The following PDZD2 variants were observed in gnomAD, a reference collection of about 807,000 sequenced individuals.
The protein encoded by PDZD2 is PDZ domain containing 2, also known as PDZ domain-containing protein 2.
In PDZD2, 90 loss-of-function variants were observed where a neutral mutation model predicts 220.7. The ratio of observed to expected loss-of-function variants is 0.41; its 90% CI spans 0.34 to 0.49. The LOEUF is 0.49. Ranked by LOEUF, PDZD2 falls within the 20% of genes least tolerant of loss-of-function variation. PDZD2 has a pLI of 0.28. For missense variants in PDZD2, 3,174 were observed against 3,608.5 expected, an observed-to-expected ratio of 0.88 and a Z score of 3.08; for synonymous variants, 1,375 against 1,450.5, an observed-to-expected ratio of 0.95 and a Z score of 1.18.
Position 32,089,712 on chromosome 5 carries a change from C to G in PDZD2, c.6264C>G (p.Asn2088Lys). 1 of 1,614,190 alleles carries G rather than the reference C, an allele frequency of 6.2e-7. No homozygotes were observed. Among genetic ancestry groups the G allele is most frequent in the South Asian group, 1.1e-5 (1 of 91,088 alleles). The change falls in exon 20 of 25, where the codon AAC becomes AAG. Residue 2088 changes from asparagine (N) to lysine (K), a missense_variant. This residue lies in a region of PDZD2 where 1,861 missense variants were observed against 2,001.0 expected (regional missense o/e 0.93). Transcript: ENST00000438447. ...IMASDRLERT[N>K]QLKIVEISAE... ...CCAGCGATCGCCTCGAAAGAACAAA[C>G]CAGCTGAAAATCGTGGAGATTTCTG...
At chr5:31,786,673 G>T (rs77326575) in intron 1 of PDZD2, among the ~76,000 whole-genome samples, 1 of 151,914 alleles carries the variant, frequency 6.6e-6, no homozygotes, top group East Asian at 1.9e-4. Flanking sequence ...GATTTGGGGG[G>T]GTGTAGGGGG....
In PDZD2 at chr5:31,797,664, A is replaced by G. The variant is rs368577523; in HGVS notation, c.-360-1225A>G. ...TTCTTTTTAACAACCATGTGATTAT[A>G]TAGATGATATTTGCTAAGCTTTTGA... On this transcript the variant is annotated intron_variant, in intron 1 of 24. Coordinates refer to ENST00000438447, the MANE Select transcript of PDZD2 (RefSeq NM_178140.4). 8.5e-5 allele frequency among the ~76,000 whole-genome samples: 13 copies of G among 152,302 alleles called. No homozygotes were observed. In the East Asian group the frequency reaches 2.5e-3, roughly 29 times the overall value.
chr5:32,058,468 A>G (rs987126546), intron 12 of PDZD2, among the ~76,000 whole-genome samples: 9 of 151,584 alleles, frequency 5.9e-5, no homozygotes, highest in South Asian at 4.2e-4. Flanking sequence ...CAGGAGTTTG[A>G]GACCAGCCTC....
chr5:31,908,077 C>G (rs1300187042), intron 2 of PDZD2, among the ~76,000 whole-genome samples: 2 of 97,558 alleles, frequency 2.1e-5, no homozygotes, highest in East Asian at 4.9e-4. Context: ...AGCCAGGCTC[C>G]GTCTCAAAAA....
Position 31,763,843 on chromosome 5 carries a change from G to C in PDZD2, c.-360-35046G>C, listed in dbSNP as rs542450132. 2.6e-3 allele frequency among the ~76,000 whole-genome samples: 377 copies of C among 144,142 alleles called. 4 individuals are homozygous for C. Among genetic ancestry groups the C allele is most frequent in the African/African-American group, 9.1e-3 (346 of 38,136 alleles). 94.6% of individuals were successfully genotyped at this position (144,142 alleles called of 152,430 possible). On this transcript the variant is annotated intron_variant, in intron 1 of 24. Transcript: ENST00000438447. ...ATCTGAAAATACAAAGAATTTGAAA[G>C]TAAAGGAGAGGAGGGAGCCCTCTGA...
chr5:32,056,598 G>A (rs115363458), intron 10 of PDZD2, among the ~76,000 whole-genome samples: 3,033 of 152,230 alleles, frequency 0.02, 103 homozygotes, highest in African/African-American at 0.068. Flanking sequence ...CCTAGCAGAC[G>A]CTATCAACAG....
intron 1 of PDZD2, among the ~76,000 whole-genome samples, chr5:31,778,425 C>G (rs1752844657): frequency 6.6e-6 from 1 of 152,150 alleles, no homozygotes; most frequent in Non-Finnish European, 1.5e-5. Flanking sequence ...CTGTAACACT[C>G]ACCGCGAAGG....
intron 2 of PDZD2, among the ~76,000 whole-genome samples, chr5:31,899,839 G>A (rs1351312440): frequency 2.6e-5 from 4 of 152,200 alleles, no homozygotes; most frequent in African/African-American, 9.6e-5. Context: ...TAAGGACGCA[G>A]TCAGAAGACA....
rs370543279 is a variant in PDZD2 at position 32,097,310 on chromosome 5, A to G, written c.7877A>G (p.Asn2626Ser). The G allele has an allele frequency of 1.5e-5, 25 of 1,612,952 alleles. No homozygotes were observed. The highest frequency in any genetic ancestry group is 2.0e-5 in the Non-Finnish European group (23 of 1,179,020). The change falls in exon 22 of 25, where the codon AAT becomes AGT. Residue 2626 changes from asparagine to serine, a missense_variant. Asn to Ser is a conservative substitution (Grantham distance 46, BLOSUM62 1). Around this residue, in one of 4 missense-constraint regions of PDZD2, gnomAD observed 631 missense variants for 789.9 expected, o/e 0.80. Transcript: ENST00000438447. ...GAAGATGTTTGCTTCATAGTCTTGAATAGAAAAGAAGGCTCAGGTCTGGGA... is the reference window on the plus strand; with the variant it reads ...GAAGATGTTTGCTTCATAGTCTTGAGTAGAAAAGAAGGCTCAGGTCTGGGA... ...NEEDVCFIVL[N>S]RKEGSGLGFS...
intron 1 of PDZD2, among the ~76,000 whole-genome samples, chr5:31,796,977 G>T (rs1754072028): frequency 6.6e-6 from 1 of 151,126 alleles, no homozygotes; most frequent in Admixed American, 6.6e-5. Context: ...GCCCAGGCTG[G>T]AGTGCAGTGG....
intron 2 of PDZD2, chr5:31,908,798 A>G (rs1189188922): frequency 1.4e-6 from 1 of 702,794 alleles, no homozygotes; most frequent in Non-Finnish European, 2.4e-6. Flanking sequence ...TAATCCCAGC[A>G]CTTTGGGAGG....
At chr5:31,929,471 C>T (rs906056307) in intron 2 of PDZD2, among the ~76,000 whole-genome samples, 8 of 152,162 alleles carry the variant, frequency 5.3e-5, no homozygotes, top group African/African-American at 1.9e-4. Context: ...AAAATATCTG[C>T]GGACAGTGCT....
At chr5:32,105,619 T>G (rs1744685697) in intron 24 of PDZD2, among the ~76,000 whole-genome samples, 1 of 152,098 alleles carries the variant, frequency 6.6e-6, no homozygotes, top group Non-Finnish European at 1.5e-5. Context: ...TCAAAAACAG[T>G]GTTGAATGAA....
intron 1 of PDZD2, among the ~76,000 whole-genome samples, chr5:31,772,463 G>A (rs982374071): frequency 4.6e-5 from 7 of 152,134 alleles, no homozygotes; most frequent in Non-Finnish European, 8.8e-5. Context: ...GTGTGCTCTC[G>A]CCATTGCCCC....
intron 6 of PDZD2, among the ~76,000 whole-genome samples, chr5:32,025,137 AAAGGAAGGAAAAAG>A (rs1372211381): frequency 1.3e-5 from 2 of 152,218 alleles, no homozygotes; most frequent in Non-Finnish European, 2.9e-5. Flanking sequence ...TCCTAGAAAG[AAAGGAAGGAAAAAG>A]AAGGAAGGAA....
chr5:31,938,190 G>A (rs1449298625), intron 2 of PDZD2, among the ~76,000 whole-genome samples: 1 of 152,158 alleles, frequency 6.6e-6, no homozygotes, highest in Admixed American at 6.5e-5. Context: ...AGGATTACAG[G>A]TGTGAGCCAC....
intron 2 of PDZD2, among the ~76,000 whole-genome samples, chr5:31,939,508 G>A (rs1416797830): frequency 2.0e-5 from 3 of 152,214 alleles, no homozygotes; most frequent in Non-Finnish European, 4.4e-5. Flanking sequence ...TGGGTTCCCA[G>A]AAGGCTCAGG....
At chr5:31,845,618 C>T (rs561956056) in intron 2 of PDZD2, among the ~76,000 whole-genome samples, 23 of 152,272 alleles carry the variant, frequency 1.5e-4, no homozygotes, top group African/African-American at 4.8e-4. Flanking sequence ...AAGTAAGATC[C>T]GGACAGATAG....
chr5:31,943,077 C>T (rs1399106810), intron 2 of PDZD2, among the ~76,000 whole-genome samples: 3 of 152,112 alleles, frequency 2.0e-5, no homozygotes, highest in Non-Finnish European at 4.4e-5. Flanking sequence ...GTGGCACGTG[C>T]CTGTAATCCC....
Sources: allele counts gnomAD v4.1 joint callset (sites outside exome capture counted in the v4.1 genomes callset), GRCh38; gene constraint gnomAD v4.1.1; regional missense constraint gnomAD v4.1.1; transcripts MANE v1.5; gene names NCBI Gene and HGNC (gene_info 2026-07-23, HGNC 2026-07-21).